The following KIF20A variants were observed in gnomAD, a reference collection of about 807,000 sequenced individuals.
KIF20A encodes the protein kinesin-like protein KIF20A.
A neutral mutation model predicts 113.0 loss-of-function variants in KIF20A; 66 were observed. The observed-to-expected ratio is 0.58, with a 90% CI of 0.48 to 0.72. The LOEUF (loss-of-function observed/expected upper bound fraction) is 0.72, where lower values mean the gene tolerates loss of function less well. KIF20A is among the 30% of genes least tolerant of loss of function. KIF20A has a pLI of 0.00. For missense variants in KIF20A, 927 were observed against 1,077.6 expected (o/e 0.86, Z 1.96); for synonymous variants, 376 against 402.3 (o/e 0.93, Z 0.78).
At chr5:138,185,002 A>T (rs1368781905) in intron 14 of KIF20A, 56 bp downstream of exon 14, 1 of 1,605,514 alleles carries the variant, frequency 6.2e-7, no homozygotes, top group African/African-American at 1.3e-5. Context: ...GTGGGAAGTA[A>T]GGAGTTAGGT....
chr5:138,184,275 G>T lies in KIF20A; in HGVS notation c.1389G>T (p.Lys463Asn). 1 of 1,614,158 alleles carries T rather than the reference G, an allele frequency of 6.2e-7. No individual in the cohort carries two copies. Among genetic ancestry groups the T allele is most frequent in the Non-Finnish European group, 8.5e-7 (1 of 1,180,028 alleles). The change falls in exon 12 of 19, where the codon AAG (lysine) becomes AAT (asparagine). Residue 463 changes from lysine (K) to asparagine (N), a missense_variant. Coordinates refer to ENST00000394894, the MANE Select transcript of KIF20A (RefSeq NM_005733.3). ...ACCTGGTTCCCTTCCGTGACAGCAAGTTGACTCGAGTGTTCCAAGGTTTCT... is the reference window on the plus strand; with the variant it reads ...ACCTGGTTCCCTTCCGTGACAGCAATTTGACTCGAGTGTTCCAAGGTTTCT... ...KQNLVPFRDSKLTRVFQGFFT... is the reference protein window; with the variant it reads ...KQNLVPFRDSNLTRVFQGFFT...
intron 16 of KIF20A, 97 bp downstream of exon 16, chr5:138,185,807 A>G: frequency 1.4e-6 from 2 of 1,414,708 alleles, no homozygotes; most frequent in South Asian, 2.4e-5. Context: ...ATAATTTCCT[A>G]AACTGCAAGC....
At chr5:138,182,148 A>G (rs933282335) in intron 4 of KIF20A, among the ~76,000 whole-genome samples, 175 bp from the exon 5 acceptor site, 5 of 152,210 alleles carry the variant, frequency 3.3e-5, no homozygotes, top group African/African-American at 1.2e-4. Context: ...AAGATGGACT[A>G]GCAGAGAGTG....
chr5:138,184,185 A>G lies in KIF20A; in HGVS notation c.1353-54A>G, dbSNP rs956963026. 17 of 1,610,366 alleles carry G rather than the reference A, an allele frequency of 1.1e-5. No homozygotes were observed. In the African/African-American group the frequency reaches 1.1e-4, roughly 10 times the overall value. The stretch of plus-strand genomic sequence containing the variant: ...ACACCACTGGGGATGGTGCTAGGAT[A>G]CCCAAAGGGCTGGTGTTCTGCTCAC... On this transcript the variant is annotated intron_variant, in intron 11 of 18. Coordinates refer to ENST00000394894, the MANE Select transcript of KIF20A (RefSeq NM_005733.3).
At chr5:138,185,902 G>C in intron 16 of KIF20A, 59 bp from the exon 17 acceptor site, 1 of 1,476,056 alleles carries the variant, frequency 6.8e-7, no homozygotes, top group Middle Eastern at 1.7e-4. Context: ...CAGTTAAAGA[G>C]GTTAGTCCAA....
Position 138,179,729 on chromosome 5 carries a change from G to A in KIF20A, c.49G>A (p.Asp17Asn). The A allele has an allele frequency of 1.2e-6, 2 of 1,614,128 alleles. No individual in the cohort carries two copies. Among genetic ancestry groups the A allele is most frequent in the Non-Finnish European group, 1.7e-6 (2 of 1,180,018 alleles). The change falls in exon 2 of 19, where the codon GAT becomes AAT. Residue 17 changes from aspartate (D) to asparagine (N), a missense_variant. Transcript: ENST00000394894. The part of the protein sequence containing the change: ...SPPAGLLSDD[D>N]VVVSPMFEST... ...GCCAGCGGGCTTGCTGTCCGATGAC[G>A]ATGTCGTAGTTTCTCCCATGTTTGA...
Position 138,187,238 on chromosome 5 carries a change from A to G in KIF20A, c.2498A>G (p.Asn833Ser). ...QVSAKKRLGT[N>S]QENQQPNQQP... is the part of the protein sequence containing the mutation. ...TCTGCCAAAAAGCGCCTTGGTACCA[A>G]CCAGGAAAATCAGCAACCAAACCAA... is the stretch of plus-strand genomic sequence containing the variant. Residue 833 changes from asparagine to serine, a missense_variant, in exon 19 of 19, where the codon AAC becomes AGC. Asn to Ser is a conservative substitution (Grantham distance 46). Coordinates refer to ENST00000394894, the MANE Select transcript of KIF20A (RefSeq NM_005733.3). 1 of 1,614,152 alleles carries G rather than the reference A, an allele frequency of 6.2e-7. No individual in the cohort carries two copies. The highest frequency in any genetic ancestry group is 1.7e-5 in the Admixed American group (1 of 60,000).
rs148216162 is a variant in KIF20A at position 138,182,616 on chromosome 5, G to C, written c.545G>C (p.Arg182Pro). 2 of 1,614,030 alleles carry C rather than the reference G, an allele frequency of 1.2e-6. No individual in the cohort carries two copies. Among genetic ancestry groups the C allele is most frequent in the Non-Finnish European group, 1.7e-6 (2 of 1,180,042 alleles). Residue 182 changes from arginine to proline, a missense_variant, in exon 6 of 19, where the codon CGG becomes CCG. Physicochemically the swap from Arg to Pro is moderately radical, Grantham distance 103. Coordinates refer to ENST00000394894, the MANE Select transcript of KIF20A (RefSeq NM_005733.3). Reference sequence around the variant, plus strand: ...ATCAAGGATGGAGGGATTCTCCCCCGGTCCCTGGCGCTGATCTTCAATAGC... The same window carrying C: ...ATCAAGGATGGAGGGATTCTCCCCCCGTCCCTGGCGCTGATCTTCAATAGC... ...GTIKDGGILP[R>P]SLALIFNSLQ...
chr5:138,184,564 T>C lies in KIF20A; in HGVS notation c.1571T>C (p.Ile524Thr), dbSNP rs548009668. 42 of 1,614,050 alleles carry C rather than the reference T, an allele frequency of 2.6e-5. No homozygotes were observed. The highest frequency in any genetic ancestry group is 1.5e-4 in the Admixed American group (9 of 60,000). Reference protein sequence around the residue: ...QLGFPSLHSFIKEHSLQVSPS... With the variant: ...QLGFPSLHSFTKEHSLQVSPS... ...GGATTCCCATCCCTGCACTCGTTCA[T>C]CAAGGAACATAGTCTTCAGGTATCC... Residue 524 changes from isoleucine to threonine, a missense_variant, in exon 13 of 19, where the codon ATC becomes ACC. Coordinates refer to ENST00000394894, the MANE Select transcript of KIF20A (RefSeq NM_005733.3).
intron 1 of KIF20A, chr5:138,179,425 T>C: frequency 2.2e-6 from 1 of 464,698 alleles, no homozygotes. Context: ...CTTCTGCTTT[T>C]GGAGCCAGAT....
At chr5:138,185,735 C>A (rs1754733258) in intron 16 of KIF20A, 25 bp downstream of exon 16, 1 of 1,610,478 alleles carries the variant, frequency 6.2e-7, no homozygotes, top group Non-Finnish European at 8.5e-7. Context: ...AGGCAGGAAA[C>A]ATAACAGTGG....
chr5:138,186,159 T>C, intron 17 of KIF20A, 107 bp downstream of exon 17: 1 of 1,478,964 alleles, frequency 6.8e-7, no homozygotes. Context: ...TTGTGCACAG[T>C]TCTGGAGAGT....
chr5:138,185,323 C>T (rs1442114079), intron 15 of KIF20A, 126 bp downstream of exon 15: 3 of 837,672 alleles, frequency 3.6e-6, no homozygotes, highest in South Asian at 1.6e-5. Flanking sequence ...TCTCTATTCC[C>T]CATAGTGCTT....
Position 138,184,104 on chromosome 5 carries a change from C to T in KIF20A, c.1351C>T (p.Arg451Trp). The change falls in exon 11 of 19, where the codon CGG becomes TGG. Residue 451 changes from arginine to tryptophan, a missense_variant and splice_region_variant. By Grantham distance (101) the Arg-to-Trp change is moderately radical (BLOSUM62 -3). Coordinates refer to ENST00000394894, the MANE Select transcript of KIF20A (RefSeq NM_005733.3). ...TGCCCTTCGTCAAAACCAGCAGAAC[C>T]GGTGAGCTTTTGACTATAATTCCTG... ...IAALRQNQQN[R>W]SKQNLVPFRD... 6.2e-6 allele frequency: 10 copies of T among 1,614,100 alleles called. No individual in the cohort carries two copies. Among genetic ancestry groups the T allele is most frequent in the East Asian group, 2.2e-5 (1 of 44,880 alleles).
chr5:138,179,212 C>T lies in KIF20A; in HGVS notation c.-22+10C>T, dbSNP rs1754587113. ...AGTGGCACGTCTTCGGGTGAGTGTGCGGCTGTGCTGGAGCCCGGGTTACCA... is the reference window on the plus strand; with the variant it reads ...AGTGGCACGTCTTCGGGTGAGTGTGTGGCTGTGCTGGAGCCCGGGTTACCA... On this transcript the variant is annotated intron_variant, in intron 1 of 18. Coordinates refer to ENST00000394894, the MANE Select transcript of KIF20A (RefSeq NM_005733.3). 1 of 193,154 alleles carries T rather than the reference C, an allele frequency of 5.2e-6. No homozygotes were observed. Among genetic ancestry groups the T allele is most frequent in the East Asian group, 1.5e-4 (1 of 6,830 alleles). The allele number at this position is 193,154 out of a possible 1,614,324, so 12.0% of individuals were successfully genotyped here.
At chr5:138,182,550 A>T (rs768827865) in intron 5 of KIF20A, 36 bp from the exon 6 acceptor site, 12 of 1,613,400 alleles carry the variant, frequency 7.4e-6, no homozygotes, top group Non-Finnish European at 1.0e-5. Flanking sequence ...GGAGAAGGGC[A>T]CTTGCCTCAG....
chr5:138,180,002 AAAG>A (rs1291265143), intron 2 of KIF20A, among the ~76,000 whole-genome samples, 157 bp downstream of exon 2: 1 of 152,214 alleles, frequency 6.6e-6, no homozygotes, highest in African/African-American at 2.4e-5. Flanking sequence ...GAAAAGAAAA[AAAG>A]AAAAAAAAAT....
chr5:138,184,434 G>A lies in KIF20A; in HGVS notation c.1518+30G>A, dbSNP rs375650163. ...GAAGCTAGAGGTGTGATGGGTGTGC[G>A]CACTTGGAACTGGTAACTCTAAGAA... On this transcript the variant is annotated intron_variant, in intron 12 of 18. Coordinates refer to ENST00000394894, the MANE Select transcript of KIF20A (RefSeq NM_005733.3). 5.2e-5 allele frequency: 84 copies of A among 1,613,408 alleles called. 1 individual carries two copies. The highest frequency in any genetic ancestry group is 4.9e-4 in the Middle Eastern group (3 of 6,062).
At position 138,183,559 on chromosome 5, in the gene KIF20A, C is replaced by T. The variant is rs2151233092; in HGVS notation, c.1117C>T (p.Leu373Phe). The T allele has an allele frequency of 1.2e-6, 2 of 1,614,118 alleles. No individual in the cohort carries two copies. Among genetic ancestry groups the T allele is most frequent in the African/African-American group, 1.3e-5 (1 of 75,034 alleles). Residue 373 changes from leucine (L) to phenylalanine (F), a missense_variant, in exon 9 of 19, where the codon CTC becomes TTC. Coordinates refer to ENST00000394894, the MANE Select transcript of KIF20A (RefSeq NM_005733.3). This position sits in a 1 kb window ranked among gnomAD's most constrained non-coding sequence, Gnocchi z 5.2. ...RKNQSFASTH[L>F]NQNSSRSHSI... ...GAACCAGAGCTTTGCCAGCACCCAC[C>T]TCAACCAGAACTCCAGCCGCAGGTG...
Sources: allele counts gnomAD v4.1 joint callset (sites outside exome capture counted in the v4.1 genomes callset), GRCh38; gene constraint gnomAD v4.1.1; non-coding constraint Gnocchi (gnomAD v3.1); transcripts MANE v1.5; gene names NCBI Gene and HGNC (gene_info 2026-07-23, HGNC 2026-07-21).